Variants in ERAP1 observed in about 807,000 individuals in gnomAD.
ERAP1 encodes adipocyte-derived leucine aminopeptidase.
In ERAP1, 86 loss-of-function variants were observed where a neutral mutation model predicts 103.7. The ratio of observed to expected loss-of-function variants is 0.83; its 90% confidence interval spans 0.70 to 0.99. The LOEUF (loss-of-function observed/expected upper bound fraction) is 0.99, where lower values mean the gene tolerates loss of function less well. Ranked by LOEUF, ERAP1 falls within the 50% of genes least tolerant of loss-of-function variation. ERAP1 has a pLI of 0.00. For synonymous variants in ERAP1, 398 were observed against 402.4 expected (o/e 0.99, Z 0.13); for missense variants, 1,009 against 1,128.4 (o/e 0.89, Z 1.52).
the ERAP1 span, among the ~76,000 whole-genome samples, chr5:96,912,210 G>GAAAA: frequency 2.2e-5 from 3 of 134,986 alleles, no homozygotes; most frequent in African/African-American, 8.3e-5. Flanking sequence ...AAAAAGAAAA[G>GAAAA]AAAAGAAAAA....
chr5:96,911,866 C>CAAAAAAAAAAAAAAAAA, the ERAP1 span, among the ~76,000 whole-genome samples: 2 of 56,600 alleles, frequency 3.5e-5, no homozygotes, highest in African/African-American at 6.7e-5. Flanking sequence ...GACCCTGTCT[C>CAAAAAAAAAAAAAAAAA]AAAAAAAAAA....
chr5:96,841,961 C>T, the ERAP1 span, among the ~76,000 whole-genome samples: 1 of 151,970 alleles, frequency 6.6e-6, no homozygotes, highest in African/African-American at 2.4e-5. Flanking sequence ...TCCAGAGTTC[C>T]CAAAGCTTAT....
At chr5:96,808,024 A>G, upstream of ERAP1, 1 of 985,466 alleles carries the variant, frequency 1.0e-6, no homozygotes, top group South Asian at 4.7e-5. Context: ...GCCCCTGGCT[A>G]AGGCGGGAGC....
chr5:96,810,127 G>T (rs1376212746), upstream of ERAP1, among the ~76,000 whole-genome samples: 1 of 152,196 alleles, frequency 6.6e-6, no homozygotes, highest in Admixed American at 6.5e-5. Flanking sequence ...TTAGCCTGTC[G>T]CCCTGGCCGT....
chr5:96,762,609 T>C, exon 20 of ERAP1: 1 of 417,852 alleles, frequency 2.4e-6, no homozygotes. Context: ...GACCTTAATA[T>C]TATTGTTGCT....
intron 11 of ERAP1, 60 bp from the exon 12 acceptor site, chr5:96,786,609 A>T (rs1776034115): frequency 8.9e-7 from 1 of 1,121,334 alleles, no homozygotes; most frequent in African/African-American, 1.5e-5. Flanking sequence ...GCAGTTATTA[A>T]ATCACCTATC....
chr5:96,876,312 T>A, the ERAP1 span: 1 of 152,364 alleles, frequency 6.6e-6, no homozygotes, highest in African/African-American at 2.4e-5. Context: ...ATGGTTTGGC[T>A]TCTACTCCAA....
the ERAP1 span, among the ~76,000 whole-genome samples, chr5:96,845,178 G>C: frequency 6.6e-6 from 1 of 152,220 alleles, no homozygotes; most frequent in African/African-American, 2.4e-5. Context: ...AAGAATATCA[G>C]TATAAAATTA....
At chr5:96,914,182 A>G in the ERAP1 span, among the ~76,000 whole-genome samples, 3 of 151,854 alleles carry the variant, frequency 2.0e-5, no homozygotes, top group Non-Finnish European at 2.9e-5. Flanking sequence ...ACAAAACCCT[A>G]TAAGGCATTC....
At chr5:96,868,964 G>A in the ERAP1 span, among the ~76,000 whole-genome samples, 3 of 151,948 alleles carry the variant, frequency 2.0e-5, no homozygotes, top group Non-Finnish European at 2.9e-5. Flanking sequence ...TTGTATACTC[G>A]TAGAATGTTA....
intron 1 of ERAP1, among the ~76,000 whole-genome samples, chr5:96,804,177 A>G (rs563791295): frequency 4.9e-4 from 75 of 152,372 alleles, no homozygotes; most frequent in African/African-American, 1.7e-3. Flanking sequence ...TTTGATGTTC[A>G]AAGTTTAAAT....
chr5:96,834,458 C>A, the ERAP1 span, among the ~76,000 whole-genome samples: 1 of 152,182 alleles, frequency 6.6e-6, no homozygotes, highest in Non-Finnish European at 1.5e-5. Context: ...GTGAGTTCAA[C>A]ACAGTGATCA....
At chr5:96,923,331 A>G in the ERAP1 span, among the ~76,000 whole-genome samples, 9 of 152,138 alleles carry the variant, frequency 5.9e-5, no homozygotes, top group Non-Finnish European at 8.8e-5. Flanking sequence ...GGTCTCACTG[A>G]GGACCTGGAA....
chr5:96,867,529 C>T, the ERAP1 span, among the ~76,000 whole-genome samples: 2 of 152,118 alleles, frequency 1.3e-5, no homozygotes, highest in Non-Finnish European at 2.9e-5. Flanking sequence ...AACTCATTCA[C>T]TCACTTGTCT....
chr5:96,836,813 G>T, the ERAP1 span, among the ~76,000 whole-genome samples: 1 of 152,172 alleles, frequency 6.6e-6, no homozygotes, highest in East Asian at 1.9e-4. Flanking sequence ...CTCCTTAAAA[G>T]ATACGTCATG....
chr5:96,770,728 C>T (rs1464539214), downstream of ERAP1: 13 of 621,442 alleles, frequency 2.1e-5, no homozygotes, highest in Non-Finnish European at 3.2e-5. Context: ...TACTATCTAT[C>T]CCATAGCATC....
the ERAP1 span, among the ~76,000 whole-genome samples, chr5:96,906,692 C>G: frequency 6.6e-6 from 1 of 152,116 alleles, no homozygotes; most frequent in Non-Finnish European, 1.5e-5. Flanking sequence ...CTTCAATTTG[C>G]CTATAGAAAA....
chr5:96,923,124 C>T, the ERAP1 span, among the ~76,000 whole-genome samples: 2 of 152,142 alleles, frequency 1.3e-5, no homozygotes, highest in Non-Finnish European at 2.9e-5. Flanking sequence ...AAGATGTGCA[C>T]CACAATGGCT....
intron 4 of ERAP1, 49 bp downstream of exon 4, chr5:96,797,126 A>T: frequency 6.2e-7 from 1 of 1,613,128 alleles, no homozygotes; most frequent in Non-Finnish European, 8.5e-7. Context: ...AACCAGTTCC[A>T]AGCAAACCAG....
Sources: allele counts gnomAD v4.1 joint callset (sites outside exome capture counted in the v4.1 genomes callset), GRCh38; gene constraint gnomAD v4.1.1; transcripts MANE v1.5; gene names NCBI Gene and HGNC (gene_info 2026-07-23, HGNC 2026-07-21).